The following CCNF variants were observed in gnomAD, a reference collection of about 807,000 sequenced individuals.
CCNF encodes the protein cyclin F, also known as cyclin-F.
In CCNF, 30 loss-of-function variants were observed where a neutral mutation model predicts 85.4. The ratio of observed to expected loss-of-function variants is 0.35; its 90% CI spans 0.26 to 0.48. The LOEUF (loss-of-function observed/expected upper bound fraction) is 0.48, where lower values mean the gene tolerates loss of function less well. Ranked by LOEUF, CCNF falls within the 20% of genes least tolerant of loss-of-function variation. The pLI is 0.99. For synonymous variants in CCNF, 439 were observed against 425.1 expected, an observed-to-expected ratio of 1.03 and a Z score of -0.40; for missense variants, 919 against 1,010.4, an observed-to-expected ratio of 0.91 and a Z score of 1.23.
chr16:2,437,793 G>A, intron 5 of CCNF: 1 of 453,960 alleles, frequency 2.2e-6, no homozygotes, highest in Non-Finnish European at 4.0e-6. Flanking sequence ...CAGCTACTCA[G>A]GAGGCTGCGG....
Position 2,445,414 on chromosome 16 carries a change from T to C in CCNF, c.930-44T>C, listed in dbSNP as rs769600079. The C allele has an allele frequency of 4.1e-5, 66 of 1,607,440 alleles. No homozygotes were observed. The South Asian group carries it at 7.0e-4, about 17-fold the overall frequency. On this transcript the variant is annotated intron_variant, in intron 9 of 16. Coordinates refer to ENST00000397066, the MANE Select transcript of CCNF (RefSeq NM_001761.3). ...GGTTGAAATCGCAGACAGGGACACA[T>C]GGAGAACGCCCCCACCAGTTCCCAC...
At position 2,449,904 on chromosome 16, in the gene CCNF, C is replaced by G; in HGVS notation, c.1476C>G (p.Leu492=). ...ACCTCATTCCCTGCGTCTTGAGCCTCCATAAGAAGTGGTGAGTTTTGGCCG... is the reference window on the plus strand; with the variant it reads ...ACCTCATTCCCTGCGTCTTGAGCCTGCATAAGAAGTGGTGAGTTTTGGCCG... The part of the protein sequence containing the change: ...YEDLIPCVLS[L]HKKCFHDDAP... The change falls in exon 13 of 17, where the codon CTC becomes CTG. Residue 492 remains leucine, a synonymous_variant. Coordinates refer to ENST00000397066, the MANE Select transcript of CCNF (RefSeq NM_001761.3). 6.2e-7 allele frequency: 1 copy of G among 1,613,032 alleles called. No homozygotes were observed. Among genetic ancestry groups the G allele is most frequent in the Non-Finnish European group, 8.5e-7 (1 of 1,179,140 alleles).
intron 8 of CCNF, among the ~76,000 whole-genome samples, chr16:2,441,966 T>TATATATATATATAC (rs2065324370): frequency 7.5e-6 from 1 of 133,976 alleles, no homozygotes; most frequent in Non-Finnish European, 1.6e-5. Flanking sequence ...TATATATATA[T>TATATATATATATAC]ATATATATAT....
rs563737914 is a variant in CCNF, at chr16:2,456,005, T to C, written c.1885+441T>C. Among the ~76,000 whole-genome samples, 1 of 152,096 alleles carries C rather than the reference T, an allele frequency of 6.6e-6. No individual in the cohort carries two copies. The highest frequency in any genetic ancestry group is 2.1e-4 in the South Asian group (1 of 4,812). ...TGGGTGACACAGCAAGACAAAAAAT[T>C]TAAAAATTAGCTGGGCATCGTGGCG... On this transcript the variant is annotated intron_variant, in intron 16 of 16. Transcript: ENST00000397066. This position sits in a 1 kb window ranked among gnomAD's most constrained non-coding sequence, Gnocchi z 4.5.
In CCNF at chr16:2,439,733, G is replaced by C. The variant is rs1237359704; in HGVS notation, c.700-16G>C. ...AGACACAGTTGTACAAAGGCTCGGT[G>C]ATCTCCCATTGACAGGTGTCAGATC... is the stretch of plus-strand genomic sequence containing the variant. On this transcript the variant is annotated splice_polypyrimidine_tract_variant and intron_variant, in intron 7 of 16. Coordinates refer to ENST00000397066, the MANE Select transcript of CCNF (RefSeq NM_001761.3). 6.2e-7 allele frequency: 1 copy of C among 1,611,112 alleles called. No homozygotes were observed.
rs929933986 is a variant in CCNF at position 2,439,782 on chromosome 16, C to T, written c.733C>T (p.Arg245Ter). 6.8e-6 allele frequency: 11 copies of T among 1,614,150 alleles called. No homozygotes were observed. The highest frequency in any genetic ancestry group is 9.3e-6 in the Non-Finnish European group (11 of 1,180,020). Residue 245 changes from arginine (R) to a stop codon, truncating the protein, a stop_gained, in exon 8 of 17, where the codon CGA (arginine) becomes TGA (stop). Transcript: ENST00000397066. LOFTEE classifies it high-confidence loss of function. The part of the protein sequence containing the change: ...SDPGRCLHSF[R>*]KLRDYAAKGC... ...TCCTGGGCGATGCCTCCACAGCTTC[C>T]GAAAACTCAGGGACTACGCTGCCAA...
In CCNF at chr16:2,458,745, CTG is replaced by C. The variant is rs2065446408; in HGVS notation, c.*1730_*1731del. ...TGGAACTGTAGACCCGTCCTGTCGA[CTG>C]TGTGCCCCTGGGCATGTGTGAGCCT... On this transcript the variant is annotated 3_prime_UTR_variant, in exon 17 of 17. Transcript: ENST00000397066. The C allele has an allele frequency of 6.6e-6, 1 of 152,280 alleles. No individual in the cohort carries two copies. The highest frequency in any genetic ancestry group is 6.5e-5 in the Admixed American group (1 of 15,288). The allele number at this position is 152,280 out of a possible 1,614,324, so 9.4% of individuals were successfully genotyped here.
Position 2,453,244 on chromosome 16 carries a change from G to C in CCNF, c.1522G>C (p.Val508Leu), listed in dbSNP as rs775818588. The C allele has an allele frequency of 6.2e-7, 1 of 1,613,816 alleles. No individual in the cohort carries two copies. The highest frequency in any genetic ancestry group is 8.5e-7 in the Non-Finnish European group (1 of 1,180,020). The change falls in exon 14 of 17, where the codon GTC becomes CTC. Residue 508 changes from valine to leucine, a missense_variant. Val to Leu is a conservative substitution (Grantham distance 32). Coordinates refer to ENST00000397066, the MANE Select transcript of CCNF (RefSeq NM_001761.3). The surrounding 1 kb of genome is among the most constrained non-coding windows in gnomAD (Gnocchi z 5.6). ...TGACGCCCCCAAGGACTACAGGCAA[G>C]TCTCTCTGACCGCCGTGAAGCAGCG... ...HDDAPKDYRQ[V>L]SLTAVKQRFE...
chr16:2,439,625 A>C (rs1240333474), intron 7 of CCNF, 124 bp from the exon 8 acceptor site: 12 of 974,214 alleles, frequency 1.2e-5, no homozygotes, highest in Admixed American at 6.1e-5. Flanking sequence ...TACCCCCAAA[A>C]ATGACTCCAC....
chr16:2,454,010 T>C (rs955557660), intron 15 of CCNF, among the ~76,000 whole-genome samples: 2 of 152,164 alleles, frequency 1.3e-5, no homozygotes, highest in Non-Finnish European at 2.9e-5. Context: ...TAACTTCCTC[T>C]TTCTACCTCA....
intron 10 of CCNF, among the ~76,000 whole-genome samples, chr16:2,446,811 G>A (rs867400660): frequency 4.6e-5 from 7 of 152,286 alleles, no homozygotes; most frequent in African/African-American, 1.7e-4. Context: ...ACCAACTAGG[G>A]TGCTGCCCTT....
rs1277973644 is a variant in CCNF, at chr16:2,435,664, CACATATATATATATATATAT to C, written c.279-140_279-121del. 5.1e-3 allele frequency: 837 copies of C among 165,142 alleles called. 7 individuals are homozygous for C. Among genetic ancestry groups the C allele is most frequent in the East Asian group, 0.027 (180 of 6,726 alleles). The allele number at this position is 165,142 out of a possible 1,614,324, so 10.2% of individuals were successfully genotyped here. A position where few individuals can be genotyped will look rare whatever the true frequency, so the allele number is the denominator to read the frequency against. ...ACACACATATATATATGCACACACA[CACATATATATATATATATAT>C]ATATATATATATATATATATTCAAT... On this transcript the variant is annotated intron_variant, in intron 3 of 16. Coordinates refer to ENST00000397066, the MANE Select transcript of CCNF (RefSeq NM_001761.3).
chr16:2,449,160 C>A, intron 11 of CCNF, 122 bp from the exon 12 acceptor site: 1 of 1,432,272 alleles, frequency 7.0e-7, no homozygotes, highest in Non-Finnish European at 9.8e-7. Context: ...TGCGCTGGTG[C>A]GCTACGCGTG....
rs2065375521 is a variant in CCNF at position 2,448,791 on chromosome 16, C to T, written c.1095-64C>T. On this transcript the variant is annotated intron_variant, in intron 10 of 16. Coordinates refer to ENST00000397066, the MANE Select transcript of CCNF (RefSeq NM_001761.3). ...CTTGAGGCCTCCTAAAGCCTTGGGT[C>T]CCTCCGCCCCACCCCTGCCCCAGGA... is the stretch of plus-strand genomic sequence containing the variant. The T allele has an allele frequency of 3.6e-5, 54 of 1,517,606 alleles. 1 individual carries two copies. The South Asian group carries it at 6.3e-4, about 18-fold the overall frequency. The allele number at this position is 1,517,606 out of a possible 1,614,324, so 94.0% of individuals were successfully genotyped here.
intron 3 of CCNF, among the ~76,000 whole-genome samples, chr16:2,435,179 A>T (rs1203056376): frequency 2.8e-5 from 4 of 145,296 alleles, no homozygotes; most frequent in African/African-American, 1.0e-4. Flanking sequence ...TGAACCTGGG[A>T]GGCGGAGCTT....
rs945421531 is a variant in CCNF, at chr16:2,453,396, T to C, written c.1588-14T>C. The C allele has an allele frequency of 6.2e-6, 10 of 1,613,768 alleles. No individual in the cohort carries two copies. The highest frequency in any genetic ancestry group is 7.6e-6 in the Non-Finnish European group (9 of 1,179,980). Reference sequence around the variant, plus strand: ...TCGGGGCCTCTGCACCCCCTAACTCTAGCTTCCCCTCAGGTGCTGAGCTAC... The same window carrying C: ...TCGGGGCCTCTGCACCCCCTAACTCCAGCTTCCCCTCAGGTGCTGAGCTAC... On this transcript the variant is annotated splice_polypyrimidine_tract_variant and intron_variant, in intron 14 of 16. Coordinates refer to ENST00000397066, the MANE Select transcript of CCNF (RefSeq NM_001761.3). This position sits in a 1 kb window ranked among gnomAD's most constrained non-coding sequence, Gnocchi z 5.6.
At position 2,456,679 on chromosome 16, in the gene CCNF, G is replaced by A; in HGVS notation, c.2020G>A (p.Asp674Asn). Residue 674 changes from aspartate to asparagine, a missense_variant, in exon 17 of 17, where the codon GAC becomes AAC. Around this residue, in one of 3 missense-constraint regions of CCNF, gnomAD observed 505 missense variants for 514.8 expected, o/e 0.98. Transcript: ENST00000397066. This position sits in a 1 kb window ranked among gnomAD's most constrained non-coding sequence, Gnocchi z 4.5. The part of the protein sequence containing the change: ...GPQDPQALAL[D>N]TQIPATPGPK... ...CCAGGACCCACAGGCACTGGCGCTGGACACCCAGATCCCTGCAACCCCTGG... is the reference window on the plus strand; with the variant it reads ...CCAGGACCCACAGGCACTGGCGCTGAACACCCAGATCCCTGCAACCCCTGG... 1 of 1,613,582 alleles carries A rather than the reference G, an allele frequency of 6.2e-7. No individual in the cohort carries two copies. The highest frequency in any genetic ancestry group is 1.7e-4 in the Middle Eastern group (1 of 6,060).
chr16:2,434,596 G>C (rs1345478304), intron 3 of CCNF, among the ~76,000 whole-genome samples: 1 of 152,254 alleles, frequency 6.6e-6, no homozygotes, highest in African/African-American at 2.4e-5. Flanking sequence ...GAGCAACAGA[G>C]CGAGACTCCG....
intron 16 of CCNF, among the ~76,000 whole-genome samples, chr16:2,455,811 G>A (rs149583622): frequency 3.3e-5 from 5 of 152,286 alleles, no homozygotes; most frequent in African/African-American, 4.8e-5. Context: ...ACACCTATCC[G>A]GCTCCTGCTC....
Sources: allele counts gnomAD v4.1 joint callset (sites outside exome capture counted in the v4.1 genomes callset), GRCh38; gene constraint gnomAD v4.1.1; regional missense constraint gnomAD v4.1.1; non-coding constraint Gnocchi (gnomAD v3.1); transcripts MANE v1.5; gene names NCBI Gene and HGNC (gene_info 2026-07-23, HGNC 2026-07-21).